The following DIP2A variants were observed in gnomAD, a reference collection of about 807,000 sequenced individuals.
DIP2A encodes the protein DIP2 acetate--CoA ligase A.
A neutral mutation model predicts 177.4 loss-of-function variants in DIP2A; 85 were observed. That is an observed-to-expected ratio of 0.48 (90% CI 0.40 to 0.57). The LOEUF is 0.57. Ranked by LOEUF, DIP2A falls within the 20% of genes least tolerant of loss-of-function variation. DIP2A has a pLI of 0.00. For missense variants in DIP2A, 1,791 were observed against 2,100.2 expected, an observed-to-expected ratio of 0.85 and a Z score of 2.88; for synonymous variants, 886 against 881.8, an observed-to-expected ratio of 1.00 and a Z score of -0.08.
the DIP2A span, among the ~76,000 whole-genome samples, chr21:46,582,895 AC>A: frequency 6.6e-6 from 1 of 152,196 alleles, no homozygotes; most frequent in Non-Finnish European, 1.5e-5. Context: ...TTTTTCCTTA[AC>A]ATGAATGAAT....
chr21:46,526,294 T>A (rs561621178), intron 8 of DIP2A, among the ~76,000 whole-genome samples: 17 of 152,164 alleles, frequency 1.1e-4, no homozygotes, highest in African/African-American at 4.1e-4. Flanking sequence ...TAATGTATGG[T>A]TTTCTGTGGG....
chr21:46,509,889 C>A (rs1193773184), intron 7 of DIP2A, among the ~76,000 whole-genome samples: 1 of 152,154 alleles, frequency 6.6e-6, no homozygotes, highest in Non-Finnish European at 1.5e-5. Context: ...GTCCTACTCG[C>A]AGACCTTGGC....
In DIP2A at chr21:46,558,374, A is replaced by G. The variant is rs2060544725; in HGVS notation, c.3950A>G (p.Asn1317Ser). 6.3e-7 allele frequency: 1 copy of G among 1,593,002 alleles called. No homozygotes were observed. The highest frequency in any genetic ancestry group is 8.5e-7 in the Non-Finnish European group (1 of 1,172,330). The change falls in exon 32 of 38, where the codon AAC (asparagine) becomes AGC (serine). Residue 1317 changes from asparagine (N) to serine (S), a missense_variant. Coordinates refer to ENST00000417564, the MANE Select transcript of DIP2A (RefSeq NM_015151.4). Reference sequence around the variant, plus strand: ...AGCACCACGTTCGGGTGCAGGGTCAACGTGGCCATCTGCCTCCAGGTGAGG... The same window carrying G: ...AGCACCACGTTCGGGTGCAGGGTCAGCGTGGCCATCTGCCTCCAGGTGAGG... ...AVSTTFGCRV[N>S]VAICLQGTAG...
chr21:46,510,082 G>T (rs1169823623), intron 7 of DIP2A, among the ~76,000 whole-genome samples: 2 of 152,210 alleles, frequency 1.3e-5, no homozygotes, highest in Non-Finnish European at 2.9e-5. Flanking sequence ...GTTCATTAAG[G>T]CATATTGACT....
At chr21:46,539,819 C>A (rs755128298) in intron 16 of DIP2A, 58 bp from the exon 17 acceptor site, 6 of 1,399,794 alleles carry the variant, frequency 4.3e-6, no homozygotes, top group African/African-American at 1.4e-5. Context: ...GTCCAGCCAC[C>A]CCTTCCCTGC....
rs2060740197 is a variant in DIP2A at position 46,563,581 on chromosome 21, ATTGTCT to A, written c.4090-272_4090-267del. On this transcript the variant is annotated intron_variant, in intron 34 of 37. Coordinates refer to ENST00000417564, the MANE Select transcript of DIP2A (RefSeq NM_015151.4). This position sits in a 1 kb window ranked among gnomAD's most constrained non-coding sequence, Gnocchi z 4.3. ...CAGGTGCGCTGGCATCACCTGGCTGATTGTCTTTGTAGGCTTAGTGACCCTCTGCCC... is the reference window on the plus strand; with the variant it reads ...CAGGTGCGCTGGCATCACCTGGCTGATTGTAGGCTTAGTGACCCTCTGCCC... The A allele has an allele frequency of 4.7e-6, 2 of 421,542 alleles. No homozygotes were observed. Among genetic ancestry groups the A allele is most frequent in the Admixed American group, 3.8e-5 (1 of 26,178 alleles). The allele number at this position is 421,542 out of a possible 1,614,324, so 26.1% of individuals were successfully genotyped here. A position where few individuals can be genotyped will look rare whatever the true frequency, so the allele number is the denominator to read the frequency against.
intron 8 of DIP2A, among the ~76,000 whole-genome samples, chr21:46,522,821 GCTC>G (rs900007079): frequency 1.1e-4 from 17 of 152,244 alleles, no homozygotes; most frequent in African/African-American, 4.1e-4. Context: ...GGGGTCTGTG[GCTC>G]CTCCTCTGTT....
chr21:46,536,163 T>C (rs1747704719), intron 13 of DIP2A, among the ~76,000 whole-genome samples: 2 of 152,258 alleles, frequency 1.3e-5, no homozygotes, highest in Admixed American at 1.3e-4. Flanking sequence ...TTATTCATGG[T>C]GCAACAGCAT....
the DIP2A span, among the ~76,000 whole-genome samples, chr21:46,581,295 A>G: frequency 1.3e-4 from 20 of 152,190 alleles, no homozygotes; most frequent in Non-Finnish European, 2.8e-4. Flanking sequence ...CAGCTCCATC[A>G]GATCATTTAT....
intron 8 of DIP2A, among the ~76,000 whole-genome samples, chr21:46,525,142 C>T (rs2148710483): frequency 6.6e-6 from 1 of 152,126 alleles, no homozygotes; most frequent in East Asian, 1.9e-4. Context: ...CTGCCTTGGC[C>T]TCCCAGAGTG....
At chr21:46,531,528 TA>T (rs1286009536) in intron 9 of DIP2A, among the ~76,000 whole-genome samples, 2 of 152,242 alleles carry the variant, frequency 1.3e-5, no homozygotes, top group African/African-American at 4.8e-5. Context: ...CAAGAATCAC[TA>T]ATTTTCTTGA....
chr21:46,540,346 G>A (rs2059762217), intron 17 of DIP2A, among the ~76,000 whole-genome samples: 1 of 152,146 alleles, frequency 6.6e-6, no homozygotes, highest in Non-Finnish European at 1.5e-5. Flanking sequence ...GGGAACCACT[G>A]ACCTGCCTGG....
At position 46,557,327 on chromosome 21, in the gene DIP2A, G is replaced by A. The variant is rs1304781530; in HGVS notation, c.3629+258G>A. 3 of 623,140 alleles carry A rather than the reference G, an allele frequency of 4.8e-6. No individual in the cohort carries two copies. Among genetic ancestry groups the A allele is most frequent in the African/African-American group, 3.7e-5 (2 of 54,406 alleles). The allele number at this position is 623,140 out of a possible 1,614,324, so 38.6% of individuals were successfully genotyped here. A position where few individuals can be genotyped will look rare whatever the true frequency, so the allele number is the denominator to read the frequency against. On this transcript the variant is annotated intron_variant, in intron 30 of 37. Transcript: ENST00000417564. The surrounding 1 kb of genome is among the most constrained non-coding windows in gnomAD (Gnocchi z 6.0). Reference sequence around the variant, plus strand: ...TTCAAACACTAGAAAGTGGCGATCCGTCTCTAGAAGTGAATGCCTCTGGAG... The same window carrying A: ...TTCAAACACTAGAAAGTGGCGATCCATCTCTAGAAGTGAATGCCTCTGGAG...
intron 8 of DIP2A, among the ~76,000 whole-genome samples, chr21:46,521,269 A>G (rs113619004): frequency 0.076 from 11,590 of 151,990 alleles, 1,075 homozygotes; most frequent in African/African-American, 0.23. Context: ...GCTCACTGCA[A>G]CCTCCGCCTC....
intron 5 of DIP2A, among the ~76,000 whole-genome samples, chr21:46,503,089 G>T (rs1187142940): frequency 1.3e-5 from 2 of 152,100 alleles, no homozygotes; most frequent in South Asian, 2.1e-4. Flanking sequence ...TCAGGAGGCC[G>T]AGGTGGTTGG....
intron 8 of DIP2A, among the ~76,000 whole-genome samples, chr21:46,527,734 G>A (rs1303517133): frequency 6.6e-6 from 1 of 152,044 alleles, no homozygotes; most frequent in Non-Finnish European, 1.5e-5. Flanking sequence ...CTCATTTGCA[G>A]GGCATGGCTA....
chr21:46,509,908 C>G (rs2058221890), intron 7 of DIP2A, among the ~76,000 whole-genome samples: 1 of 152,176 alleles, frequency 6.6e-6, no homozygotes, highest in South Asian at 2.1e-4. Context: ...GCTGTTTGTA[C>G]AGTGACACTG....
At position 46,498,756 on chromosome 21, in the gene DIP2A, C is replaced by T. The variant is rs766226289; in HGVS notation, c.578C>T (p.Thr193Ile). 3 of 1,613,792 alleles carry T rather than the reference C, an allele frequency of 1.9e-6. No homozygotes were observed. Among genetic ancestry groups the T allele is most frequent in the East Asian group, 4.5e-5 (2 of 44,884 alleles). ...TCTCACCCGGGAGGGAGACCCACCA[C>T]TGCTCCCAGTGCTGCAGCCACGCCG... The part of the protein sequence containing the change: ...TSSHPGGRPT[T>I]APSAAATPGA... Residue 193 changes from threonine to isoleucine, a missense_variant, in exon 5 of 38, where the codon ACT (threonine) becomes ATT (isoleucine). Coordinates refer to ENST00000417564, the MANE Select transcript of DIP2A (RefSeq NM_015151.4). This position sits in a 1 kb window ranked among gnomAD's most constrained non-coding sequence, Gnocchi z 4.3.
intron 8 of DIP2A, among the ~76,000 whole-genome samples, chr21:46,519,120 A>G (rs1216453060): frequency 6.6e-6 from 1 of 152,182 alleles, no homozygotes; most frequent in Non-Finnish European, 1.5e-5. Context: ...GTAAACTGTC[A>G]TGGCACTGGT....
Sources: allele counts gnomAD v4.1 joint callset (sites outside exome capture counted in the v4.1 genomes callset), GRCh38; gene constraint gnomAD v4.1.1; non-coding constraint Gnocchi (gnomAD v3.1); transcripts MANE v1.5; gene names NCBI Gene and HGNC (gene_info 2026-07-23, HGNC 2026-07-21).